CSMD1: variants seen among roughly 807,000 people sequenced by gnomAD.
The protein encoded by CSMD1 is CUB and sushi domain-containing protein 1.
CSMD1 carries 213 observed loss-of-function variants against 417.5 expected under a neutral mutation model. That is an observed-to-expected ratio of 0.51 (90% CI 0.46 to 0.57). CSMD1 has a LOEUF of 0.57. Among genes scored for constraint, CSMD1 ranks in the 20% least tolerant of loss-of-function variants. The pLI, the probability that CSMD1 is intolerant of heterozygous loss-of-function variation, is 0.00. For missense variants in CSMD1, 6,923 were observed against 4,529.7 expected (o/e 1.53, Z -15.17); for synonymous variants, 2,862 against 1,736.8 (o/e 1.65, Z -16.11).
chr8:3,262,236 C>CAA (rs1801135742), intron 26 of CSMD1, among the ~76,000 whole-genome samples: 1 of 119,220 alleles, frequency 8.4e-6, no homozygotes, highest in Non-Finnish European at 1.7e-5. Flanking sequence ...TATATACACA[C>CAA]ACATAGTTAA....
At chr8:3,692,589 C>A (rs983217226) in intron 7 of CSMD1, among the ~76,000 whole-genome samples, 2 of 152,088 alleles carry the variant, frequency 1.3e-5, no homozygotes, top group African/African-American at 2.4e-5. Flanking sequence ...CATGTCACCA[C>A]ACACAGCTAA....
At chr8:4,831,538 G>A (rs1001690738) in intron 1 of CSMD1, among the ~76,000 whole-genome samples, 3 of 151,896 alleles carry the variant, frequency 2.0e-5, no homozygotes, top group African/African-American at 4.8e-5. Context: ...AATATCAGAA[G>A]ATAATGTGTC....
At chr8:3,474,373 G>A (rs969480556) in intron 11 of CSMD1, among the ~76,000 whole-genome samples, 2 of 151,836 alleles carry the variant, frequency 1.3e-5, no homozygotes, top group South Asian at 2.1e-4. Flanking sequence ...CCTCTCTCGG[G>A]GGAAGAGGTT....
At chr8:4,523,947 C>T (rs571286792) in intron 2 of CSMD1, among the ~76,000 whole-genome samples, 1 of 152,168 alleles carries the variant, frequency 6.6e-6, no homozygotes, top group South Asian at 2.1e-4. Flanking sequence ...TGTGAAAGTC[C>T]AGGTGTTTCC....
At chr8:4,351,929 G>C (rs562485039) in intron 3 of CSMD1, among the ~76,000 whole-genome samples, 2 of 148,954 alleles carry the variant, frequency 1.3e-5, no homozygotes, top group South Asian at 2.2e-4. Context: ...TGACATTCAA[G>C]GTAACATTGC....
At chr8:3,769,200 A>T (rs1282970879) in intron 5 of CSMD1, among the ~76,000 whole-genome samples, 1 of 152,234 alleles carries the variant, frequency 6.6e-6, no homozygotes, top group Non-Finnish European at 1.5e-5. Context: ...TAATGTTCAC[A>T]GACATGTTGG....
chr8:3,179,188 G>A lies in CSMD1; in HGVS notation c.5725+1922C>T, dbSNP rs557221643. On this transcript the variant is annotated intron_variant, in intron 37 of 69. Transcript: ENST00000635120. ...TCTCGATCTCCTGACCTCGTGATCT[G>A]CCCGCCTTGGCCTCCCAAAGTGCTG... 4.8e-3 allele frequency among the ~76,000 whole-genome samples: 734 copies of A among 151,746 alleles called. 6 individuals carry two copies. Among genetic ancestry groups the A allele is most frequent in the South Asian group, 0.031 (150 of 4,794 alleles).
rs896267645 is a variant in CSMD1, at chr8:3,898,872, G to C, written c.818+99031C>G. 5.3e-5 allele frequency among the ~76,000 whole-genome samples: 8 copies of C among 152,114 alleles called. No homozygotes were observed. In the South Asian group the frequency reaches 1.5e-3, roughly 28 times the overall value. ...ACATAGCTGATAGCCCCAATACTCT[G>C]TTGGTCCCCTTAGGGGTTACAGTCA... is the stretch of plus-strand genomic sequence containing the variant. On this transcript the variant is annotated intron_variant, in intron 5 of 69. Coordinates refer to ENST00000635120, the MANE Select transcript of CSMD1 (RefSeq NM_033225.6).
intron 41 of CSMD1, chr8:3,128,269 A>G (rs961367900): frequency 6.6e-6 from 1 of 152,344 alleles, no homozygotes; most frequent in Non-Finnish European, 1.5e-5. Context: ...TCCCGCTAAT[A>G]TCTAGTTAGT....
At chr8:3,559,798 G>C (rs781671742) in intron 10 of CSMD1, among the ~76,000 whole-genome samples, 2 of 152,114 alleles carry the variant, frequency 1.3e-5, no homozygotes, top group African/African-American at 4.8e-5. Flanking sequence ...GGAGAGTGAG[G>C]AGAGACAAAC....
intron 49 of CSMD1, among the ~76,000 whole-genome samples, chr8:3,069,157 C>T (rs538498802): frequency 1.8e-4 from 27 of 152,124 alleles, no homozygotes; most frequent in Admixed American, 1.5e-3. Flanking sequence ...GGGGCTGGGC[C>T]GGGCGCAGTG....
At chr8:3,705,142 C>G (rs139966398) in intron 7 of CSMD1, among the ~76,000 whole-genome samples, 1 of 152,146 alleles carries the variant, frequency 6.6e-6, no homozygotes, top group Admixed American at 6.5e-5. Context: ...TCTGGGGACA[C>G]CACCAGGGAC....
intron 3 of CSMD1, among the ~76,000 whole-genome samples, chr8:4,126,055 C>T (rs879893838): frequency 6.6e-6 from 1 of 151,916 alleles, no homozygotes; most frequent in Non-Finnish European, 1.5e-5. Flanking sequence ...TAATCTGGCC[C>T]GACCAGTTTT....
chr8:3,657,932 G>A (rs1255332245), intron 7 of CSMD1, among the ~76,000 whole-genome samples: 1 of 152,004 alleles, frequency 6.6e-6, no homozygotes, highest in Non-Finnish European at 1.5e-5. Context: ...TTTTTCTGAT[G>A]GGGAGGGACC....
chr8:3,783,036 T>C (rs1464403773), intron 5 of CSMD1, among the ~76,000 whole-genome samples: 2 of 152,152 alleles, frequency 1.3e-5, no homozygotes, highest in Non-Finnish European at 2.9e-5. Flanking sequence ...GCGTTCATCT[T>C]CTGTACTGAC....
intron 7 of CSMD1, among the ~76,000 whole-genome samples, chr8:3,665,131 G>C (rs1798617317): frequency 6.6e-6 from 1 of 152,120 alleles, no homozygotes; most frequent in African/African-American, 2.4e-5. Flanking sequence ...AGGTGATTAG[G>C]AATTTTGTAT....
At chr8:4,750,154 C>CT (rs746269899) in intron 1 of CSMD1, among the ~76,000 whole-genome samples, 24 of 152,030 alleles carry the variant, frequency 1.6e-4, no homozygotes, top group Non-Finnish European at 3.5e-4. Flanking sequence ...TACAGGCGCC[C>CT]GCCACCACGC....
Position 4,231,589 on chromosome 8 carries a change from T to C in CSMD1, c.415+188364A>G, listed in dbSNP as rs539115967. On this transcript the variant is annotated intron_variant, in intron 3 of 69. Coordinates refer to ENST00000635120, the MANE Select transcript of CSMD1 (RefSeq NM_033225.6). ...TGCATGTAACTATTATTGTTATAAA[T>C]CTGCATACAATCCCCCAACAAATGT... 2.0e-5 allele frequency among the ~76,000 whole-genome samples: 3 copies of C among 152,322 alleles called. No homozygotes were observed. In the South Asian group the frequency reaches 6.2e-4, roughly 32 times the overall value.
At chr8:3,139,585 A>T in intron 41 of CSMD1, among the ~76,000 whole-genome samples, 1 of 152,162 alleles carries the variant, frequency 6.6e-6, no homozygotes, top group East Asian at 1.9e-4. Flanking sequence ...GAAGTGAAAA[A>T]CAGGTGTAGA....
Sources: gnomAD v4.1 joint callset for allele counts (sites outside exome capture counted in the v4.1 genomes callset) on GRCh38, gnomAD v4.1.1 for gene constraint, MANE v1.5 for transcripts, NCBI Gene and HGNC (gene_info 2026-07-23, HGNC 2026-07-21) for gene names.